The following DCDC1 variants were observed in gnomAD, a reference collection of about 807,000 sequenced individuals.
The protein encoded by DCDC1 is doublecortin domain containing 1, also known as doublecortin domain-containing protein 1.
DCDC1 carries 200 observed loss-of-function variants against 178.3 expected under a neutral mutation model. The observed-to-expected ratio is 1.12, with a 90% confidence interval of 1.00 to 1.26. The LOEUF (loss-of-function observed/expected upper bound fraction) is 1.26, where lower values mean the gene tolerates loss of function less well. DCDC1 is among the 50% of genes most tolerant of loss of function. DCDC1 has a pLI of 0.00. For synonymous variants in DCDC1, 690 were observed against 604.8 expected, an observed-to-expected ratio of 1.14 and a Z score of -2.07; for missense variants, 1,983 against 1,749.2, an observed-to-expected ratio of 1.13 and a Z score of -2.38.
intron 20 of DCDC1, among the ~76,000 whole-genome samples, chr11:30,955,014 C>T (rs576867767): frequency 6.6e-6 from 1 of 152,266 alleles, no homozygotes; most frequent in South Asian, 2.1e-4. Context: ...GGAATATTAG[C>T]GAACAACTTC....
At chr11:31,151,591 TACA>T (rs1235004649) in intron 9 of DCDC1, among the ~76,000 whole-genome samples, 1 of 152,184 alleles carries the variant, frequency 6.6e-6, no homozygotes, top group Non-Finnish European at 1.5e-5. Flanking sequence ...TCTAATACAA[TACA>T]ACAATTAATG....
chr11:31,163,776 AT>A (rs1365605583), intron 9 of DCDC1, among the ~76,000 whole-genome samples: 1 of 152,204 alleles, frequency 6.6e-6, no homozygotes, highest in African/African-American at 2.4e-5. Flanking sequence ...AGAAATTCTC[AT>A]CTGGACACTT....
Position 31,097,081 on chromosome 11 carries a change from C to A in DCDC1, c.1984-2897G>T, listed in dbSNP as rs539193963. Among the ~76,000 whole-genome samples, 23 of 152,310 alleles carry A rather than the reference C, an allele frequency of 1.5e-4. No individual in the cohort carries two copies. In the South Asian group the frequency reaches 4.4e-3, roughly 29 times the overall value. The stretch of plus-strand genomic sequence containing the variant: ...AACAATTCTCTTTTATTCTTTTAAA[C>A]ACTTACACATATAGGTCCTTTATGT... On this transcript the variant is annotated intron_variant, in intron 15 of 38. Coordinates refer to ENST00000684477, the MANE Select transcript of DCDC1 (RefSeq NM_001387274.1).
chr11:31,216,857 A>G (rs551773423), intron 9 of DCDC1, among the ~76,000 whole-genome samples: 9 of 152,154 alleles, frequency 5.9e-5, no homozygotes, highest in African/African-American at 2.2e-4. Flanking sequence ...TCTTGCTTTT[A>G]CTCTCAAAAT....
At chr11:31,264,171 G>A (rs1384044412) in intron 8 of DCDC1, among the ~76,000 whole-genome samples, 2 of 152,034 alleles carry the variant, frequency 1.3e-5, no homozygotes, top group African/African-American at 2.4e-5. Flanking sequence ...GCTTACTACT[G>A]GTATTACAAC....
At chr11:31,081,564 C>A (rs761749789) in intron 17 of DCDC1, among the ~76,000 whole-genome samples, 47 of 151,892 alleles carry the variant, frequency 3.1e-4, no homozygotes, top group Admixed American at 9.2e-4. Context: ...GAGCCAAGAT[C>A]ATGCCATTGC....
intron 11 of DCDC1, among the ~76,000 whole-genome samples, chr11:31,116,893 A>AG (rs1960049911): frequency 6.6e-6 from 1 of 152,048 alleles, no homozygotes; most frequent in Non-Finnish European, 1.5e-5. Context: ...TAAGCCCAGA[A>AG]AAGGCATACC....
At chr11:31,215,522 C>T (rs573827712) in intron 9 of DCDC1, among the ~76,000 whole-genome samples, 57 of 149,960 alleles carry the variant, frequency 3.8e-4, no homozygotes, top group African/African-American at 1.2e-3. Flanking sequence ...AGGCCTGGCG[C>T]GGTAGCTCAT....
At chr11:31,236,202 C>T (rs887649027) in intron 9 of DCDC1, among the ~76,000 whole-genome samples, 3 of 151,904 alleles carry the variant, frequency 2.0e-5, no homozygotes, top group African/African-American at 7.2e-5. Flanking sequence ...TCCACTGTCA[C>T]TTCCCCCCTC....
intron 17 of DCDC1, among the ~76,000 whole-genome samples, chr11:31,084,826 T>A (rs577772701): frequency 1.3e-5 from 2 of 151,798 alleles, no homozygotes; most frequent in South Asian, 4.2e-4. Flanking sequence ...CTCAGCCCAC[T>A]CAATTCCATG....
chr11:31,042,514 T>C (rs1329181649), intron 20 of DCDC1, among the ~76,000 whole-genome samples: 2 of 152,144 alleles, frequency 1.3e-5, no homozygotes, highest in Admixed American at 6.5e-5. Context: ...GTCTTCATTT[T>C]TAGTAGCAGG....
intron 9 of DCDC1, among the ~76,000 whole-genome samples, chr11:31,213,178 G>A (rs11031317): frequency 5.0e-4 from 61 of 122,778 alleles, no homozygotes; most frequent in African/African-American, 1.9e-3. Flanking sequence ...CTTTACCAGG[G>A]CAGTGGTTTG....
intron 1 of DCDC1, among the ~76,000 whole-genome samples, chr11:31,353,872 G>A (rs767750659): frequency 6.6e-6 from 1 of 152,166 alleles, no homozygotes; most frequent in Non-Finnish European, 1.5e-5. Context: ...AAATAGAAAT[G>A]TCTATGACTG....
intron 7 of DCDC1, among the ~76,000 whole-genome samples, chr11:31,273,870 C>A (rs1945775159): frequency 6.6e-6 from 1 of 152,164 alleles, no homozygotes; most frequent in Non-Finnish European, 1.5e-5. Context: ...CGGAGCAAGT[C>A]ATGTCTTACA....
At chr11:30,935,716 G>C (rs1947236508) in intron 21 of DCDC1, among the ~76,000 whole-genome samples, 1 of 152,102 alleles carries the variant, frequency 6.6e-6, no homozygotes. Context: ...ACCACGCCCA[G>C]CTATGTTTTG....
chr11:31,046,248 T>G (rs1374373598), intron 20 of DCDC1, among the ~76,000 whole-genome samples: 1 of 152,210 alleles, frequency 6.6e-6, no homozygotes, highest in African/African-American at 2.4e-5. Context: ...CAGCAGAATT[T>G]CACTGTGGTT....
intron 3 of DCDC1, among the ~76,000 whole-genome samples, chr11:31,309,142 T>TTGTG (rs56349731): frequency 8.6e-4 from 128 of 148,056 alleles, no homozygotes; most frequent in African/African-American, 3.1e-3. Flanking sequence ...AAATAGATGT[T>TTGTG]TGTGTGTGTG....
At chr11:31,156,305 G>C (rs749103005) in intron 9 of DCDC1, among the ~76,000 whole-genome samples, 3 of 151,892 alleles carry the variant, frequency 2.0e-5, no homozygotes, top group African/African-American at 7.3e-5. Flanking sequence ...TCCTATCATC[G>C]AATCAATCAC....
chr11:31,174,513 A>C (rs1359856109), intron 9 of DCDC1, among the ~76,000 whole-genome samples: 9 of 152,184 alleles, frequency 5.9e-5, no homozygotes. Flanking sequence ...GGCAGGAGGC[A>C]GACGGGCTTC....
Sources: allele counts gnomAD v4.1 joint callset (sites outside exome capture counted in the v4.1 genomes callset), GRCh38; gene constraint gnomAD v4.1.1; transcripts MANE v1.5; gene names NCBI Gene and HGNC (gene_info 2026-07-23, HGNC 2026-07-21).